Variants in TMTC1 observed in about 807,000 individuals in gnomAD.
TMTC1 encodes protein O-mannosyl-transferase TMTC1.
A neutral mutation model predicts 104.8 loss-of-function variants in TMTC1; 73 were observed. That is an observed-to-expected ratio of 0.70 (90% CI 0.58 to 0.85). The LOEUF (loss-of-function observed/expected upper bound fraction) is 0.85. TMTC1 is among the 40% of genes least tolerant of loss of function. The probability of loss-of-function intolerance (pLI) is 0.00; values close to 1 mark genes in which losing one functional copy is unlikely to be tolerated. For synonymous variants in TMTC1, 434 were observed against 428.7 expected (o/e 1.01, Z -0.15); for missense variants, 1,035 against 1,096.1 (o/e 0.94, Z 0.79).
At chr12:29,686,715 T>C (rs1941105737) in intron 5 of TMTC1, among the ~76,000 whole-genome samples, 2 of 152,240 alleles carry the variant, frequency 1.3e-5, no homozygotes, top group African/African-American at 4.8e-5. Context: ...AACTCACCAC[T>C]ATCTTTTCTG....
At position 29,783,455 on chromosome 12, in the gene TMTC1, G is replaced by A. The variant is rs1424590073; in HGVS notation, c.297C>T (p.Thr99=). Residue 99 remains threonine, a synonymous_variant, in exon 1 of 18, where the codon ACC becomes ACT. Coordinates refer to ENST00000539277, the MANE Select transcript of TMTC1 (RefSeq NM_001193451.2). The surrounding 1 kb of genome is among the most constrained non-coding windows in gnomAD (Gnocchi z 4.7). ...GCGCGAGGTGAGGGACTCACTTGAA[G>A]GTGAGGACGCAGAGCGGCCGGTAGG... ...HKSYRPLCVL[T]FKLNIFLTGM... The A allele has an allele frequency of 7.5e-7, 1 of 1,326,114 alleles. No individual in the cohort carries two copies. The allele number at this position is 1,326,114 out of a possible 1,614,324, so 82.1% of individuals were successfully genotyped here. A position where few individuals can be genotyped will look rare whatever the true frequency, so the allele number is the denominator to read the frequency against.
chr12:29,618,432 A>G (rs898099486), intron 6 of TMTC1, among the ~76,000 whole-genome samples: 27 of 152,194 alleles, frequency 1.8e-4, no homozygotes, highest in African/African-American at 6.3e-4. Flanking sequence ...ATACTCACCA[A>G]TGTTTCTGCT....
At chr12:29,666,228 C>CTTTTTTTTTTTTTTTT (rs751968439) in intron 5 of TMTC1, 51 of 366,268 alleles carry the variant, frequency 1.4e-4, no homozygotes, top group East Asian at 2.4e-4. Flanking sequence ...TTTCTTTTTT[C>CTTTTTTTTTTTTTTTT]TTTTTTTTTT....
intron 5 of TMTC1, among the ~76,000 whole-genome samples, chr12:29,659,342 A>G (rs1001119156): frequency 6.6e-6 from 1 of 152,158 alleles, no homozygotes; most frequent in Non-Finnish European, 1.5e-5. Flanking sequence ...GGAGGGCAGA[A>G]CCCTTATGAG....
intron 5 of TMTC1, among the ~76,000 whole-genome samples, chr12:29,653,492 T>C (rs1412146020): frequency 1.3e-5 from 2 of 152,180 alleles, no homozygotes; most frequent in Non-Finnish European, 2.9e-5. Flanking sequence ...TTGGGGAACT[T>C]GCTTATCAAA....
At chr12:29,536,113 G>T in intron 11 of TMTC1, 96 bp downstream of exon 11, 2 of 839,522 alleles carry the variant, frequency 2.4e-6, no homozygotes, top group Admixed American at 2.0e-5. Flanking sequence ...GTCCAATATG[G>T]GTTTACAAAT....
chr12:29,716,942 G>A (rs577877603), intron 5 of TMTC1, among the ~76,000 whole-genome samples: 146 of 152,226 alleles, frequency 9.6e-4, no homozygotes, highest in Middle Eastern at 6.8e-3. Flanking sequence ...GTGAACCTGG[G>A]AGGTGGAGCT....
chr12:29,614,844 G>C (rs768018381), intron 6 of TMTC1, among the ~76,000 whole-genome samples: 2 of 152,194 alleles, frequency 1.3e-5, no homozygotes, highest in Non-Finnish European at 2.9e-5. Flanking sequence ...CAAAGAAACA[G>C]AGAACAAACT....
intron 6 of TMTC1, chr12:29,614,054 G>A (rs139117482): frequency 5.9e-4 from 164 of 276,074 alleles, no homozygotes; most frequent in African/African-American, 3.6e-3. Flanking sequence ...ATGTTTTAGA[G>A]TAGCACTTCC....
chr12:29,663,698 G>GTTTTTTTTTTTTTTTTTTTTTTTTTTTTT, intron 5 of TMTC1, among the ~76,000 whole-genome samples: 1 of 118,020 alleles, frequency 8.5e-6, no homozygotes, highest in Admixed American at 8.6e-5. Flanking sequence ...TGTACTTTTA[G>GTTTTTTTTTTTTTTTTTTTTTTTTTTTTT]TAGAGACAGG....
At chr12:29,531,768 T>G (rs188778823) in intron 11 of TMTC1, among the ~76,000 whole-genome samples, 32 of 152,218 alleles carry the variant, frequency 2.1e-4, no homozygotes, top group Admixed American at 1.6e-3. Context: ...AGACACAGAG[T>G]GGTATCAACT....
At chr12:29,750,525 A>G (rs752783263) in intron 5 of TMTC1, among the ~76,000 whole-genome samples, 1 of 152,198 alleles carries the variant, frequency 6.6e-6, no homozygotes, top group Non-Finnish European at 1.5e-5. Context: ...GCCCCTCAAC[A>G]GATATTTATT....
intron 5 of TMTC1, among the ~76,000 whole-genome samples, chr12:29,640,133 G>A (rs138096223): frequency 8.5e-4 from 129 of 152,262 alleles, no homozygotes; most frequent in African/African-American, 3.1e-3. Context: ...CCAAACACCC[G>A]ATGAAAGAAG....
chr12:29,709,830 T>C (rs1370701390), intron 5 of TMTC1, among the ~76,000 whole-genome samples: 2 of 152,232 alleles, frequency 1.3e-5, no homozygotes, highest in Admixed American at 1.3e-4. Context: ...TACTCTTTAC[T>C]GTGCACTAAC....
chr12:29,545,048 C>T (rs974269454), intron 10 of TMTC1, among the ~76,000 whole-genome samples: 10 of 152,084 alleles, frequency 6.6e-5, no homozygotes, highest in Non-Finnish European at 1.2e-4. Flanking sequence ...GAGTGTCTGG[C>T]ACATAGTAGG....
chr12:29,643,432 T>TATATATATATATCACATATATGTG (rs1938961689), intron 5 of TMTC1, among the ~76,000 whole-genome samples: 4 of 101,132 alleles, frequency 4.0e-5, no homozygotes, highest in South Asian at 2.8e-4. Context: ...TAAACTGTGA[T>TATATATATATATCACATATATGTG]ATATATATAT....
At chr12:29,648,891 T>C (rs538134756) in intron 5 of TMTC1, among the ~76,000 whole-genome samples, 1 of 152,250 alleles carries the variant, frequency 6.6e-6, no homozygotes, top group African/African-American at 2.4e-5. Context: ...CTAAATGCGG[T>C]GTGCCTTTAC....
intron 17 of TMTC1, 121 bp from the exon 18 acceptor site, chr12:29,507,107 T>A: frequency 1.3e-6 from 1 of 792,988 alleles, no homozygotes; most frequent in Non-Finnish European, 2.1e-6. Flanking sequence ...ATATGGAAAC[T>A]CTGTCTGTAT....
intron 2 of TMTC1, among the ~76,000 whole-genome samples, chr12:29,763,555 G>A (rs1322574490): frequency 6.6e-6 from 1 of 152,188 alleles, no homozygotes; most frequent in Non-Finnish European, 1.5e-5. Flanking sequence ...GCCTCAAGGA[G>A]TTTAACATCT....
Sources: gnomAD v4.1 joint callset for allele counts (sites outside exome capture counted in the v4.1 genomes callset) on GRCh38, gnomAD v4.1.1 for gene constraint, Gnocchi (gnomAD v3.1) non-coding constraint, MANE v1.5 for transcripts, NCBI Gene and HGNC (gene_info 2026-07-23, HGNC 2026-07-21) for gene names.